The following SDK2 variants were observed in gnomAD, a reference collection of about 807,000 sequenced individuals.
SDK2 encodes sidekick cell adhesion molecule 2, also known as protein sidekick-2.
In SDK2, 105 loss-of-function variants were observed where a neutral mutation model predicts 253.9. The ratio of observed to expected loss-of-function variants is 0.41; its 90% CI spans 0.35 to 0.49. The LOEUF is 0.49. SDK2 is among the 20% of genes least tolerant of loss of function. The probability of loss-of-function intolerance (pLI) is 0.06; values close to 1 mark genes in which losing one functional copy is unlikely to be tolerated. For missense variants in SDK2, 2,608 were observed against 3,003.0 expected, an observed-to-expected ratio of 0.87 and a Z score of 3.07; for synonymous variants, 1,249 against 1,234.9, an observed-to-expected ratio of 1.01 and a Z score of -0.24.
At chr17:73,376,366 A>T (rs1214143890) in intron 36 of SDK2, among the ~76,000 whole-genome samples, 2 of 134,738 alleles carry the variant, frequency 1.5e-5, no homozygotes, top group Non-Finnish European at 3.1e-5. Flanking sequence ...CGTGTCATTG[A>T]CCAACTGAAA....
At chr17:73,519,787 G>A (rs1473267660) in intron 1 of SDK2, 1 of 152,174 alleles carries the variant, frequency 6.6e-6, no homozygotes, top group East Asian at 1.9e-4. Context: ...TCCAAGGCTG[G>A]GCCCCGCAGG....
chr17:73,513,352 C>T (rs1431578488), intron 1 of SDK2, among the ~76,000 whole-genome samples: 1 of 152,186 alleles, frequency 6.6e-6, no homozygotes, highest in Non-Finnish European at 1.5e-5. Flanking sequence ...GGAACTCACA[C>T]AAAGATGCTC....
intron 10 of SDK2, 39 bp downstream of exon 10, chr17:73,433,693 A>C: frequency 6.9e-7 from 1 of 1,455,844 alleles, no homozygotes. Flanking sequence ...CTTCTAGGCT[A>C]TCACCCAGCC....
At chr17:73,587,110 C>T (rs1185116527) in intron 1 of SDK2, among the ~76,000 whole-genome samples, 4 of 152,218 alleles carry the variant, frequency 2.6e-5, no homozygotes, top group Admixed American at 6.5e-5. Context: ...CTGCCCAAGA[C>T]TATCCACCCA....
intron 1 of SDK2, among the ~76,000 whole-genome samples, chr17:73,614,524 G>A (rs2046022333): frequency 7.0e-6 from 1 of 142,310 alleles, no homozygotes; most frequent in African/African-American, 2.7e-5. Flanking sequence ...TGGGTACACA[G>A]CGACACAAAG....
At chr17:73,411,959 T>C (rs1272381480) in intron 18 of SDK2, among the ~76,000 whole-genome samples, 1 of 93,970 alleles carries the variant, frequency 1.1e-5, no homozygotes, top group East Asian at 2.5e-4. Flanking sequence ...TTTGTGTATA[T>C]ATATATATAC....
chr17:73,584,079 C>T (rs969200222), intron 1 of SDK2, among the ~76,000 whole-genome samples: 5 of 152,212 alleles, frequency 3.3e-5, no homozygotes, highest in African/African-American at 9.7e-5. Context: ...TCTAGCAGTA[C>T]GGACGGAGAG....
intron 1 of SDK2, among the ~76,000 whole-genome samples, chr17:73,577,264 T>G (rs989527458): frequency 1.3e-5 from 2 of 152,228 alleles, no homozygotes; most frequent in Admixed American, 1.3e-4. Context: ...AAGTCTTCAG[T>G]GGAATTTATC....
rs2063945453 is a variant in SDK2 at position 73,507,524 on chromosome 17, A to G, written c.138T>C (p.Leu46=). 6.4e-7 allele frequency: 1 copy of G among 1,551,652 alleles called. No individual in the cohort carries two copies. The highest frequency in any genetic ancestry group is 1.2e-5 in the South Asian group (1 of 84,044). The change falls in exon 2 of 45, where the codon CTT becomes CTC. Residue 46 remains leucine (L), a synonymous_variant. Transcript: ENST00000392650. ...QVHLEGNRLV[L]TCMAEGSWPL... The stretch of plus-strand genomic sequence containing the variant: ...GCCAGCTGCCCTCGGCCATGCATGT[A>G]AGCACCAGGCGGTTTCCTTCCAAGT...
chr17:73,635,602 AT>A (rs2046320496), intron 1 of SDK2, among the ~76,000 whole-genome samples: 1 of 152,192 alleles, frequency 6.6e-6, no homozygotes, highest in African/African-American at 2.4e-5. Flanking sequence ...AATGAGCCTC[AT>A]TATGGCAAAT....
intron 2 of SDK2, among the ~76,000 whole-genome samples, chr17:73,477,324 G>T (rs936086791): frequency 5.3e-5 from 8 of 152,254 alleles, no homozygotes; most frequent in Middle Eastern, 3.4e-3. Context: ...CCCCGGGGGT[G>T]GGGGGTGGAT....
intron 1 of SDK2, among the ~76,000 whole-genome samples, chr17:73,640,217 C>T (rs975381762): frequency 1.3e-4 from 18 of 136,230 alleles, no homozygotes; most frequent in Non-Finnish European, 1.8e-4. Context: ...AAGAGGCAGT[C>T]GATAAATATT....
At chr17:73,396,099 A>T (rs905950773) in intron 24 of SDK2, among the ~76,000 whole-genome samples, 1 of 152,016 alleles carries the variant, frequency 6.6e-6, no homozygotes, top group African/African-American at 2.4e-5. Context: ...TGTTGATCTC[A>T]AACTCCTCAG....
chr17:73,611,125 G>A (rs1222474036), intron 1 of SDK2, among the ~76,000 whole-genome samples: 1 of 152,336 alleles, frequency 6.6e-6, no homozygotes, highest in South Asian at 2.1e-4. Flanking sequence ...CCGAGGGGTT[G>A]TGGTGCCACG....
chr17:73,441,140 G>T (rs1462514979), intron 5 of SDK2, among the ~76,000 whole-genome samples: 2 of 152,122 alleles, frequency 1.3e-5, no homozygotes, highest in East Asian at 3.9e-4. Context: ...GGTCCAAGGA[G>T]AGACATCGCT....
At chr17:73,457,088 C>T (rs963170578) in intron 3 of SDK2, among the ~76,000 whole-genome samples, 1 of 152,132 alleles carries the variant, frequency 6.6e-6, no homozygotes, top group African/African-American at 2.4e-5. Context: ...ATTATTTGTC[C>T]CAAACTTGAC....
At chr17:73,429,602 A>C (rs533907646) in intron 12 of SDK2, among the ~76,000 whole-genome samples, 2 of 152,232 alleles carry the variant, frequency 1.3e-5, no homozygotes, top group Non-Finnish European at 2.9e-5. Flanking sequence ...CATGAGGAGG[A>C]GGCCATTTCT....
In SDK2 at chr17:73,643,687, G is replaced by A. The variant is rs1440508678; in HGVS notation, c.64+338C>T. Among the ~76,000 whole-genome samples, 5 of 152,108 alleles carry A rather than the reference G, an allele frequency of 3.3e-5. No individual in the cohort carries two copies. The highest frequency in any genetic ancestry group is 1.3e-4 in the Admixed American group (2 of 15,290). On this transcript the variant is annotated intron_variant, in intron 1 of 44. Transcript: ENST00000392650. This position sits in a 1 kb window ranked among gnomAD's most constrained non-coding sequence, Gnocchi z 6.9. ...TCAGCGTAGCCGAGCGTGGAGCCCG[G>A]CACGGAATGTCGCTCCCCTCCCAAG...
chr17:73,596,049 G>A (rs1010916728), intron 1 of SDK2, among the ~76,000 whole-genome samples: 2 of 151,732 alleles, frequency 1.3e-5, no homozygotes, highest in African/African-American at 4.8e-5. Flanking sequence ...CCAGGCAGAC[G>A]GCCCTCACCT....
Sources: allele counts gnomAD v4.1 joint callset (sites outside exome capture counted in the v4.1 genomes callset), GRCh38; gene constraint gnomAD v4.1.1; non-coding constraint Gnocchi (gnomAD v3.1); transcripts MANE v1.5; gene names NCBI Gene and HGNC (gene_info 2026-07-23, HGNC 2026-07-21).